Variants in ZNF536 observed in about 807,000 individuals in gnomAD.
ZNF536 encodes the protein zinc finger protein 536.
In ZNF536, 13 loss-of-function variants were observed where a neutral mutation model predicts 84.5. That is an observed-to-expected ratio of 0.15 (90% confidence interval 0.10 to 0.24). The LOEUF (loss-of-function observed/expected upper bound fraction) is 0.24. Among genes scored for constraint, ZNF536 ranks in the 10% least tolerant of loss-of-function variants. ZNF536 has a pLI of 1.00. For missense variants in ZNF536, 1,536 were observed against 1,747.5 expected (o/e 0.88, Z 2.16); for synonymous variants, 811 against 742.5 (o/e 1.09, Z -1.50).
intron 1 of ZNF536, among the ~76,000 whole-genome samples, chr19:30,239,889 A>G (rs932252386): frequency 2.6e-5 from 4 of 152,152 alleles, no homozygotes; most frequent in Non-Finnish European, 5.9e-5. Flanking sequence ...CCACGATGCC[A>G]TGTGAGGCAA....
At chr19:30,564,378 T>G (rs1390946367) in intron 1 of ZNF536, among the ~76,000 whole-genome samples, 1 of 151,848 alleles carries the variant, frequency 6.6e-6, no homozygotes, top group Non-Finnish European at 1.5e-5. Context: ...GGAGGTTGCA[T>G]CTGGAGGAGA....
intron 2 of ZNF536, among the ~76,000 whole-genome samples, chr19:30,347,275 A>G (rs2047776101): frequency 6.6e-6 from 1 of 152,216 alleles, no homozygotes; most frequent in Admixed American, 6.5e-5. Context: ...ATTCAAGCAT[A>G]TCGGTGGAGC....
At chr19:30,366,511 T>A (rs1450520651) in intron 3 of ZNF536, among the ~76,000 whole-genome samples, 2 of 152,074 alleles carry the variant, frequency 1.3e-5, no homozygotes, top group African/African-American at 2.4e-5. Context: ...TGTCAATCTA[T>A]CTATGTATTT....
At chr19:30,465,100 G>A (rs1419635314) in intron 2 of ZNF536, among the ~76,000 whole-genome samples, 1 of 152,112 alleles carries the variant, frequency 6.6e-6, no homozygotes, top group Admixed American at 6.5e-5. Context: ...GAAGTACGGA[G>A]TTAAATCTGT....
intron 1 of ZNF536, among the ~76,000 whole-genome samples, chr19:30,442,706 G>T (rs1264469016): frequency 1.3e-5 from 2 of 152,204 alleles, no homozygotes; most frequent in Admixed American, 6.5e-5. Flanking sequence ...GTTACCAAAT[G>T]ATAAAATAAC....
At position 30,331,292 on chromosome 19, in the gene ZNF536, T is replaced by TAA. The variant is rs11324495; in HGVS notation, c.-119-21048_-119-21047dup. On this transcript the variant is annotated intron_variant, in intron 2 of 5. Coordinates refer to the ZNF536 transcript ENST00000585628. ...GGGAACAGAGTAAGACCCTGTATCT[T>TAA]AAAAAAAAAAAAAAAAAAAAAAAAA... is the stretch of plus-strand genomic sequence containing the variant. Among the ~76,000 whole-genome samples the TAA allele has an allele frequency of 7.5e-3, 314 of 41,740 alleles. 29 individuals are homozygous for TAA. Among genetic ancestry groups the TAA allele is most frequent in the African/African-American group, 0.017 (160 of 9,458 alleles). 27.4% of individuals were successfully genotyped at this position (41,740 alleles called of 152,430 possible).
At chr19:30,229,572 G>T (rs542110836) in intron 1 of ZNF536, among the ~76,000 whole-genome samples, 3 of 112,700 alleles carry the variant, frequency 2.7e-5, no homozygotes, top group South Asian at 2.9e-4. Flanking sequence ...TGCGGGTGGT[G>T]GGGGGGGCTC....
chr19:30,427,677 G>C (rs1224082411), intron 1 of ZNF536, among the ~76,000 whole-genome samples: 1 of 152,018 alleles, frequency 6.6e-6, no homozygotes, highest in Non-Finnish European at 1.5e-5. Flanking sequence ...GTTCCTTTTG[G>C]TCTCAGGCAT....
chr19:30,343,719 CAG>C (rs1323325145), intron 2 of ZNF536, among the ~76,000 whole-genome samples: 4 of 152,168 alleles, frequency 2.6e-5, no homozygotes, highest in African/African-American at 9.7e-5. Context: ...AGCTGAGAAA[CAG>C]ATAAACTTTT....
At chr19:30,555,754 T>C (rs1017497044) in intron 4 of ZNF536, 1 of 152,170 alleles carries the variant, frequency 6.6e-6, no homozygotes, top group Non-Finnish European at 1.5e-5. Context: ...GCTATGGCCA[T>C]TGGTACATTT....
At chr19:30,400,588 GTC>G (rs1231494104) in intron 1 of ZNF536, among the ~76,000 whole-genome samples, 1 of 152,102 alleles carries the variant, frequency 6.6e-6, no homozygotes, top group African/African-American at 2.4e-5. Flanking sequence ...TTGAGACAAG[GTC>G]TCACTTTGTC....
rs1004895475 is a variant in ZNF536 at position 30,530,274 on chromosome 19, G to A, written c.2171-4573G>A. Among the ~76,000 whole-genome samples, 14 of 152,228 alleles carry A rather than the reference G, an allele frequency of 9.2e-5. 1 individual carries two copies. The highest frequency in any genetic ancestry group is 1.4e-4 in the African/African-American group (6 of 41,458). On this transcript the variant is annotated intron_variant, in intron 2 of 4. Coordinates refer to ENST00000355537, the MANE Select transcript of ZNF536 (RefSeq NM_014717.3). ...TTAAATAAATCTCAAACCAATGCAC[G>A]AAAGGTTTAACAAAGGATCACAGAT...
At chr19:30,674,367 G>T (rs2147762805) in intron 1 of ZNF536, among the ~76,000 whole-genome samples, 1 of 152,366 alleles carries the variant, frequency 6.6e-6, no homozygotes, top group South Asian at 2.1e-4. Context: ...GGTGAAAGAG[G>T]ATGCTGTTCC....
At chr19:30,509,131 G>C (rs192729271) in intron 2 of ZNF536, among the ~76,000 whole-genome samples, 230 of 150,930 alleles carry the variant, frequency 1.5e-3, no homozygotes, top group Admixed American at 1.8e-3. Context: ...CACCATGCCT[G>C]GCCTCAACTG....
intron 1 of ZNF536, among the ~76,000 whole-genome samples, chr19:30,401,342 T>C (rs892425415): frequency 6.6e-6 from 1 of 152,172 alleles, no homozygotes; most frequent in African/African-American, 2.4e-5. Context: ...GGTCTACATA[T>C]CTTGATATTT....
At chr19:30,401,319 C>T (rs770207784) in intron 1 of ZNF536, among the ~76,000 whole-genome samples, 3 of 152,188 alleles carry the variant, frequency 2.0e-5, no homozygotes, top group Non-Finnish European at 4.4e-5. Context: ...CAGCTATCCT[C>T]CTGCTTCAGT....
chr19:30,433,372 G>T (rs1194709940), intron 1 of ZNF536, among the ~76,000 whole-genome samples: 1 of 152,182 alleles, frequency 6.6e-6, no homozygotes, highest in Admixed American at 6.5e-5. Context: ...GTCTGGTCTT[G>T]CTTATAGATC....
intron 1 of ZNF536, among the ~76,000 whole-genome samples, chr19:30,675,952 G>C (rs1234337440): frequency 6.6e-6 from 1 of 152,070 alleles, no homozygotes; most frequent in South Asian, 2.1e-4. Flanking sequence ...CGACCTCCTA[G>C]GCTCAAGTGA....
intron 1 of ZNF536, among the ~76,000 whole-genome samples, chr19:30,235,626 C>G (rs2023433530): frequency 6.6e-6 from 1 of 152,128 alleles, no homozygotes; most frequent in Admixed American, 6.5e-5. Flanking sequence ...ACACTTATCC[C>G]TTATTGACTA....
Sources: allele counts gnomAD v4.1 joint callset (sites outside exome capture counted in the v4.1 genomes callset), GRCh38; gene constraint gnomAD v4.1.1; transcripts MANE v1.5; gene names NCBI Gene and HGNC (gene_info 2026-07-23, HGNC 2026-07-21).